Variants in FGF14 observed in about 807,000 individuals in gnomAD.
FGF14 encodes fibroblast growth factor homologous factor 4.
Under a neutral mutation model 25.5 loss-of-function variants are expected in FGF14, and 5 were observed. The observed-to-expected ratio is 0.20, with a 90% CI of 0.10 to 0.41. The LOEUF is 0.41. Among genes scored for constraint, FGF14 ranks in the 10% least tolerant of loss-of-function variants. The probability of loss-of-function intolerance (pLI) is 1.00; values close to 1 mark genes in which losing one functional copy is unlikely to be tolerated. For synonymous variants in FGF14, 138 were observed against 118.3 expected (o/e 1.17, Z -1.08); for missense variants, 222 against 320.1 (o/e 0.69, Z 2.34).
chr13:102,080,647 T>G (rs1001033775), intron 1 of FGF14, among the ~76,000 whole-genome samples: 5 of 152,212 alleles, frequency 3.3e-5, no homozygotes, highest in African/African-American at 1.2e-4. Context: ...CTGTAAGTGA[T>G]TACAACCTAA....
Position 101,796,775 on chromosome 13 carries a change from CTG to C in FGF14, c.409-69967_409-69966del, listed in dbSNP as rs577953511. ...GATTTCAGAATTCCAGCCTCCAAAACTGTGAAAAAAATACATTTCTGTGCTTT... is the reference window on the plus strand; with the variant it reads ...GATTTCAGAATTCCAGCCTCCAAAACTGAAAAAAATACATTTCTGTGCTTT... On this transcript the variant is annotated intron_variant, in intron 3 of 4. Transcript: ENST00000376143. 3.8e-3 allele frequency among the ~76,000 whole-genome samples: 581 copies of C among 152,116 alleles called. 2 individuals are homozygous for C. Among genetic ancestry groups the C allele is most frequent in the African/African-American group, 0.013 (552 of 41,514 alleles).
intron 2 of FGF14, among the ~76,000 whole-genome samples, chr13:101,872,710 TTTGAGG>T (rs1227570946): frequency 6.6e-6 from 1 of 152,070 alleles, no homozygotes; most frequent in Admixed American, 6.6e-5. Flanking sequence ...TGTAGAACCT[TTTGAGG>T]AGGGAATATT....
At chr13:101,800,457 G>T (rs1348143839) in intron 3 of FGF14, among the ~76,000 whole-genome samples, 1 of 152,126 alleles carries the variant, frequency 6.6e-6, no homozygotes, top group Non-Finnish European at 1.5e-5. Context: ...AACATGAAGT[G>T]TGTCAAACCA....
intron 3 of FGF14, among the ~76,000 whole-genome samples, chr13:101,748,649 C>T (rs1594113807): frequency 7.1e-6 from 1 of 141,716 alleles, no homozygotes; most frequent in African/African-American, 2.6e-5. Context: ...CAAAAAATAA[C>T]AAGTGCTGTC....
In FGF14 at chr13:102,400,616, T is replaced by C. The variant is rs1054945482; in HGVS notation, c.208+855A>G. Among the ~76,000 whole-genome samples, 3 of 152,172 alleles carry C rather than the reference T, an allele frequency of 2.0e-5. No individual in the cohort carries two copies. Among genetic ancestry groups the C allele is most frequent in the Admixed American group, 6.5e-5 (1 of 15,282 alleles). Reference sequence around the variant, plus strand: ...TCCGACTCCCCAAATCAGATGCATTTGCATTTCTTATGTAATGTACTGCAA... The same window carrying C: ...TCCGACTCCCCAAATCAGATGCATTCGCATTTCTTATGTAATGTACTGCAA... On this transcript the variant is annotated intron_variant, in intron 1 of 4. Coordinates refer to the FGF14 transcript ENST00000376131. This position sits in a 1 kb window ranked among gnomAD's most constrained non-coding sequence, Gnocchi z 4.3.
At position 102,094,812 on chromosome 13, in the gene FGF14, T is replaced by TA. The variant is rs544411715; in HGVS notation, c.209-219517dup. ...CCTCATCAATAAGGGACTGCCTTTT[T>TA]AAAGTTCTTTTAATACCGGACAATG... On this transcript the variant is annotated intron_variant, in intron 1 of 4. Transcript: ENST00000376131. Among the ~76,000 whole-genome samples the TA allele has an allele frequency of 9.9e-5, 15 of 152,280 alleles. 1 individual carries two copies. The East Asian group carries it at 2.7e-3, about 27-fold the overall frequency.
intron 1 of FGF14, among the ~76,000 whole-genome samples, chr13:101,902,103 G>T (rs2031639005): frequency 6.6e-6 from 1 of 152,036 alleles, no homozygotes; most frequent in South Asian, 2.1e-4. Context: ...TATCAATTTA[G>T]CAACATTCTT....
intron 3 of FGF14, among the ~76,000 whole-genome samples, chr13:101,751,556 T>C (rs73568245): frequency 0.024 from 3,613 of 152,156 alleles, 161 homozygotes; most frequent in African/African-American, 0.082. Flanking sequence ...AAGAACCACA[T>C]TTAAAAGCCC....
At chr13:102,197,120 G>T (rs1346717675) in intron 1 of FGF14, among the ~76,000 whole-genome samples, 1 of 152,064 alleles carries the variant, frequency 6.6e-6, no homozygotes, top group African/African-American at 2.4e-5. Context: ...GTAAGAACAG[G>T]TATTCATTTA....
At chr13:101,938,411 A>G (rs930974814) in intron 1 of FGF14, among the ~76,000 whole-genome samples, 2 of 152,206 alleles carry the variant, frequency 1.3e-5, no homozygotes, top group South Asian at 2.1e-4. Flanking sequence ...TCATGAAATT[A>G]GTGTTTATAA....
intron 3 of FGF14, among the ~76,000 whole-genome samples, chr13:101,834,325 T>G (rs1019564753): frequency 6.6e-6 from 1 of 152,088 alleles, no homozygotes; most frequent in African/African-American, 2.4e-5. Flanking sequence ...ATGGGTACCT[T>G]GACTATGTCT....
intron 1 of FGF14, among the ~76,000 whole-genome samples, chr13:102,041,936 G>C (rs1462908489): frequency 6.6e-6 from 1 of 152,092 alleles, no homozygotes; most frequent in Non-Finnish European, 1.5e-5. Context: ...AAGTTCCATT[G>C]CTTGAGAATG....
At chr13:102,059,898 A>C (rs1234648803) in intron 1 of FGF14, among the ~76,000 whole-genome samples, 13 of 151,468 alleles carry the variant, frequency 8.6e-5, no homozygotes. Context: ...AAGAAAGAAA[A>C]GAAACAAAAC....
chr13:102,247,853 T>C (rs557316042), intron 1 of FGF14, among the ~76,000 whole-genome samples: 56 of 152,248 alleles, frequency 3.7e-4, no homozygotes, highest in African/African-American at 1.3e-3. Context: ...TGCTCATCAA[T>C]GGTAGGCTGC....
At chr13:101,842,605 C>T (rs772568843) in intron 3 of FGF14, among the ~76,000 whole-genome samples, 1 of 151,860 alleles carries the variant, frequency 6.6e-6, no homozygotes, top group Non-Finnish European at 1.5e-5. Context: ...AACAAAAGGA[C>T]TGTAGAAAGA....
At chr13:101,837,684 C>T (rs9585792) in intron 3 of FGF14, among the ~76,000 whole-genome samples, 48,027 of 151,998 alleles carry the variant, frequency 0.32, 8,464 homozygotes, top group Non-Finnish European at 0.39. Context: ...CTAAGTCAAA[C>T]TTCCTTAAAA....
intron 1 of FGF14, among the ~76,000 whole-genome samples, chr13:102,331,778 T>C (rs2056639920): frequency 6.6e-6 from 1 of 152,164 alleles, no homozygotes; most frequent in Non-Finnish European, 1.5e-5. Flanking sequence ...AAGTTTCGAA[T>C]TGGTAGTATA....
chr13:101,839,492 T>C (rs1171963461), intron 3 of FGF14, among the ~76,000 whole-genome samples: 1 of 151,782 alleles, frequency 6.6e-6, no homozygotes, highest in Non-Finnish European at 1.5e-5. Flanking sequence ...GGAAGGGAGG[T>C]TTAGGATAGC....
chr13:102,049,485 G>C (rs559126247), intron 1 of FGF14, among the ~76,000 whole-genome samples: 1 of 152,230 alleles, frequency 6.6e-6, no homozygotes, highest in Middle Eastern at 3.4e-3. Context: ...AAAAATAGGA[G>C]ACAGAATTGG....
Sources: allele counts gnomAD v4.1 joint callset (sites outside exome capture counted in the v4.1 genomes callset), GRCh38; gene constraint gnomAD v4.1.1; non-coding constraint Gnocchi (gnomAD v3.1); transcripts MANE v1.5; gene names NCBI Gene and HGNC (gene_info 2026-07-23, HGNC 2026-07-21).